Variants in FIG4 observed in about 807,000 individuals in gnomAD.
The protein encoded by FIG4 is FIG4 phosphoinositide 5-phosphatase, also known as polyphosphoinositide phosphatase.
Under a neutral mutation model 118.6 loss-of-function variants are expected in FIG4, and 112 were observed. That is an observed-to-expected ratio of 0.94 (90% CI 0.81 to 1.11). The LOEUF (loss-of-function observed/expected upper bound fraction) is 1.11. FIG4 is among the 50% of genes least tolerant of loss of function. The pLI, the probability that FIG4 is intolerant of heterozygous loss-of-function variation, is 0.00. For synonymous variants in FIG4, 369 were observed against 381.2 expected (o/e 0.97, Z 0.37); for missense variants, 969 against 1,111.7 (o/e 0.87, Z 1.83).
intron 1 of FIG4, among the ~76,000 whole-genome samples, chr6:109,707,608 C>T (rs1013044490): frequency 1.3e-5 from 2 of 151,844 alleles, no homozygotes; most frequent in African/African-American, 2.4e-5. Context: ...CTAGACCCAA[C>T]TTGTCTGACA....
chr6:109,694,652 C>A (rs1007822475), intron 1 of FIG4, among the ~76,000 whole-genome samples: 1 of 152,102 alleles, frequency 6.6e-6, no homozygotes, highest in African/African-American at 2.4e-5. Flanking sequence ...GAAGAGGCAA[C>A]CTATAGAATG....
chr6:109,792,732 A>G, intron 21 of FIG4, 68 bp downstream of exon 21: 4 of 697,256 alleles, frequency 5.7e-6, no homozygotes, highest in Admixed American at 5.5e-5. Flanking sequence ...TCTAACTACT[A>G]TACCTTTTTT....
At chr6:109,788,446 A>G (rs1004116262) in intron 18 of FIG4, among the ~76,000 whole-genome samples, 2 of 152,228 alleles carry the variant, frequency 1.3e-5, no homozygotes, top group Non-Finnish European at 1.5e-5. Context: ...AGACTGTGAA[A>G]AAGACACTCA....
At chr6:109,717,094 A>T (rs1314318398) in intron 3 of FIG4, among the ~76,000 whole-genome samples, 3 of 150,142 alleles carry the variant, frequency 2.0e-5, no homozygotes, top group African/African-American at 7.4e-5. Flanking sequence ...AAATTGTGTT[A>T]GTAAGATAAA....
intron 3 of FIG4, among the ~76,000 whole-genome samples, chr6:109,724,520 C>CT (rs1232488441): frequency 3.3e-5 from 5 of 152,180 alleles, no homozygotes; most frequent in African/African-American, 1.2e-4. Flanking sequence ...CAGCACATAT[C>CT]TTTTTATGTG....
chr6:109,779,247 A>G (rs1341104299), intron 16 of FIG4, among the ~76,000 whole-genome samples: 2 of 152,210 alleles, frequency 1.3e-5, no homozygotes, highest in Non-Finnish European at 2.9e-5. Flanking sequence ...TGTTGAAGCT[A>G]TTTAGATACA....
chr6:109,738,238 T>A (rs1776217850), intron 6 of FIG4, 87 bp from the exon 7 acceptor site: 1 of 1,135,624 alleles, frequency 8.8e-7, no homozygotes, highest in East Asian at 2.4e-5. Flanking sequence ...TCAGCCAATT[T>A]CCATATCTTT....
intron 1 of FIG4, among the ~76,000 whole-genome samples, chr6:109,705,265 C>G (rs551815495): frequency 6.6e-6 from 1 of 152,040 alleles, no homozygotes; most frequent in South Asian, 2.1e-4. Context: ...GAAATAAGAA[C>G]GAGTAGAAAC....
At chr6:109,724,333 G>C (rs532579533) in intron 3 of FIG4, among the ~76,000 whole-genome samples, 154 of 152,292 alleles carry the variant, frequency 1.0e-3, no homozygotes, top group African/African-American at 3.6e-3. Flanking sequence ...AATGTTACCA[G>C]AGATACTTAG....
At chr6:109,750,799 G>A (rs911191441) in intron 10 of FIG4, among the ~76,000 whole-genome samples, 6 of 152,102 alleles carry the variant, frequency 3.9e-5, no homozygotes, top group African/African-American at 7.2e-5. Flanking sequence ...GAGATGATAC[G>A]AAGGTTGCTC....
At chr6:109,699,565 C>A (rs1265386757) in intron 1 of FIG4, among the ~76,000 whole-genome samples, 1 of 147,620 alleles carries the variant, frequency 6.8e-6, no homozygotes, top group Non-Finnish European at 1.5e-5. Flanking sequence ...TGCAGTGGCT[C>A]GATCTCGGCT....
At chr6:109,722,200 T>C (rs974253901) in intron 3 of FIG4, among the ~76,000 whole-genome samples, 15 of 152,028 alleles carry the variant, frequency 9.9e-5, no homozygotes, top group African/African-American at 3.4e-4. Flanking sequence ...TCCTGTGTCC[T>C]CCAACTTTAG....
chr6:109,760,215 A>G, intron 10 of FIG4, 35 bp from the exon 11 acceptor site: 1 of 1,593,494 alleles, frequency 6.3e-7, no homozygotes, highest in Non-Finnish European at 8.6e-7. Context: ...ATTTAAGGAA[A>G]TTAGAACACT....
At chr6:109,777,355 G>A (rs191907599) in intron 16 of FIG4, among the ~76,000 whole-genome samples, 1 of 152,246 alleles carries the variant, frequency 6.6e-6, no homozygotes, top group Admixed American at 6.5e-5. Flanking sequence ...TACTATTGAT[G>A]TCCTGATAGT....
At chr6:109,741,608 A>G in intron 8 of FIG4, 64 bp downstream of exon 8, 1 of 1,027,202 alleles carries the variant, frequency 9.7e-7, no homozygotes, top group Non-Finnish European at 1.5e-6. Flanking sequence ...GCTGATGTAG[A>G]AGCACAGTGA....
At chr6:109,797,750 G>T (rs1012942262) in intron 22 of FIG4, among the ~76,000 whole-genome samples, 8 of 152,016 alleles carry the variant, frequency 5.3e-5, no homozygotes, top group Non-Finnish European at 8.8e-5. Context: ...ACAAAAATTA[G>T]CCGGGCATGG....
intron 1 of FIG4, chr6:109,701,731 A>G (rs1774914743): frequency 2.1e-6 from 1 of 471,582 alleles, no homozygotes; most frequent in Admixed American, 2.3e-5. Flanking sequence ...TGGTGAGGAA[A>G]TGCACCTTTC....
chr6:109,749,104 T>TGTGTGTGTGTGTGTGTGTGTG (rs1203351746), intron 10 of FIG4, among the ~76,000 whole-genome samples: 1 of 143,686 alleles, frequency 7.0e-6, no homozygotes, highest in South Asian at 2.1e-4. Context: ...TGTGTGTGTG[T>TGTGTGTGTGTGTGTGTGTGTG]TTTAAATCAA....
At chr6:109,757,805 C>T (rs868775843) in intron 10 of FIG4, among the ~76,000 whole-genome samples, 4 of 152,140 alleles carry the variant, frequency 2.6e-5, no homozygotes, top group Admixed American at 6.6e-5. Context: ...CACAAGCATT[C>T]CTATACACCA....
Sources: allele counts gnomAD v4.1 joint callset (sites outside exome capture counted in the v4.1 genomes callset), GRCh38; gene constraint gnomAD v4.1.1; transcripts MANE v1.5; gene names NCBI Gene and HGNC (gene_info 2026-07-23, HGNC 2026-07-21).